The following ANO3 variants were observed in gnomAD, a reference collection of about 807,000 sequenced individuals.
ANO3 encodes anoctamin-3.
A neutral mutation model predicts 144.8 loss-of-function variants in ANO3; 99 were observed. The observed-to-expected ratio is 0.68, with a 90% CI of 0.58 to 0.81. The LOEUF is 0.81. Ranked by LOEUF, ANO3 falls within the 30% of genes least tolerant of loss-of-function variation. The probability of loss-of-function intolerance (pLI) is 0.00; values close to 1 mark genes in which losing one functional copy is unlikely to be tolerated. For missense variants in ANO3, 905 were observed against 1,202.2 expected (o/e 0.75, Z 3.66); for synonymous variants, 414 against 392.6 (o/e 1.05, Z -0.64).
At chr11:26,307,255 G>T (rs111466353), upstream of ANO3, among the ~76,000 whole-genome samples, 289 of 152,282 alleles carry the variant, frequency 1.9e-3, 2 homozygotes, top group African/African-American at 6.6e-3. Context: ...TTGGGAAGAT[G>T]AGGCAGGAGA....
chr11:26,608,478 G>A (rs1211624042), intron 17 of ANO3, among the ~76,000 whole-genome samples: 1 of 152,174 alleles, frequency 6.6e-6, no homozygotes, highest in Non-Finnish European at 1.5e-5. Flanking sequence ...GGTGGAGGGG[G>A]TGTGCTTTGC....
rs931444858 is a variant in ANO3 at position 26,192,841 on chromosome 11, T to C, written c.154+3511T>C. On this transcript the variant is annotated intron_variant, in intron 1 of 27. Coordinates refer to the ANO3 transcript ENST00000672621. ...AAAATTAAGTTTAGAAATAGTCCAG[T>C]GAGGGAAATTGCCTCTTTGTGTTCC... is the stretch of plus-strand genomic sequence containing the variant. Among the ~76,000 whole-genome samples the C allele has an allele frequency of 5.9e-5, 9 of 152,292 alleles. No individual in the cohort carries two copies. In the East Asian group the frequency reaches 1.7e-3, roughly 29 times the overall value.
At chr11:26,387,902 A>C (rs987903757) in intron 1 of ANO3, among the ~76,000 whole-genome samples, 4 of 152,116 alleles carry the variant, frequency 2.6e-5, no homozygotes, top group Non-Finnish European at 5.9e-5. Context: ...TTACAATTTC[A>C]GCTCCTTACT....
At chr11:26,464,776 C>T (rs1157537415) in intron 4 of ANO3, among the ~76,000 whole-genome samples, 2 of 151,840 alleles carry the variant, frequency 1.3e-5, no homozygotes. Flanking sequence ...TACCCTTCTC[C>T]TATTATACTT....
At chr11:26,368,866 A>G (rs143792625) in intron 1 of ANO3, among the ~76,000 whole-genome samples, 20 of 152,190 alleles carry the variant, frequency 1.3e-4, no homozygotes, top group Admixed American at 1.2e-3. Context: ...TTTCCATGAA[A>G]CAACCTATTT....
rs1301601397 is a variant in ANO3, at chr11:26,641,913, G to A, written c.2159G>A (p.Trp720Ter). 2 of 1,613,866 alleles carry A rather than the reference G, an allele frequency of 1.2e-6. No homozygotes were observed. Among genetic ancestry groups the A allele is most frequent in the Non-Finnish European group, 1.7e-6 (2 of 1,179,926 alleles). ...TGATGTAGGTTGATCCAGAACTGGT[G>A]GTCACGACATAAAATCAAGCGGGGA... ...ELGYPLIQNW[W>*]SRHKIKRGIH... is the part of the protein sequence containing the mutation. Residue 720 changes from tryptophan to a stop codon, truncating the protein, a stop_gained, in exon 22 of 27, where the codon TGG becomes TAG. Coordinates refer to ENST00000256737, the MANE Select transcript of ANO3 (RefSeq NM_031418.4). LOFTEE classifies it high-confidence loss of function.
intron 18 of ANO3, among the ~76,000 whole-genome samples, chr11:26,627,854 TGC>T (rs1554981583): frequency 0.1 from 14,344 of 139,518 alleles, 917 homozygotes; most frequent in Non-Finnish European, 0.15. Flanking sequence ...TGTGTGTGTG[TGC>T]GCCTGACATT....
chr11:26,581,958 C>T (rs1851146618), intron 14 of ANO3, among the ~76,000 whole-genome samples: 1 of 152,046 alleles, frequency 6.6e-6, no homozygotes, highest in Non-Finnish European at 1.5e-5. Context: ...TTTATTATGG[C>T]CTTCCAGTGG....
At position 26,371,657 on chromosome 11, in the gene ANO3, C is replaced by T. The variant is rs184758002; in HGVS notation, c.46+39336C>T. On this transcript the variant is annotated intron_variant, in intron 1 of 26. Transcript: ENST00000256737. ...GAGCAACTGCCCAAGACTGTGGGAG[C>T]CCACCTCTTGCATTAGCATGATGTG... Among the ~76,000 whole-genome samples the T allele has an allele frequency of 2.8e-4, 42 of 152,348 alleles. No homozygotes were observed. The East Asian group carries it at 5.0e-3, about 18-fold the overall frequency.
At chr11:26,300,526 G>C (rs2133862196) in intron 1 of ANO3, among the ~76,000 whole-genome samples, 1 of 152,266 alleles carries the variant, frequency 6.6e-6, no homozygotes, top group Admixed American at 6.5e-5. Flanking sequence ...TGTAAGAATT[G>C]AAAATTATTT....
chr11:26,511,239 G>A (rs561455076), intron 5 of ANO3, among the ~76,000 whole-genome samples: 1 of 152,222 alleles, frequency 6.6e-6, no homozygotes, highest in South Asian at 2.1e-4. Flanking sequence ...TCCTAACAGT[G>A]AAAAGGTTAA....
chr11:26,359,956 G>T (rs1295228453), intron 1 of ANO3, among the ~76,000 whole-genome samples: 1 of 146,956 alleles, frequency 6.8e-6, no homozygotes, highest in Non-Finnish European at 1.5e-5. Context: ...TATAAATTAT[G>T]TAAATCAACA....
chr11:26,570,671 T>C (rs1175082935), intron 14 of ANO3, among the ~76,000 whole-genome samples: 1 of 152,166 alleles, frequency 6.6e-6, no homozygotes, highest in Non-Finnish European at 1.5e-5. Context: ...TGTTTGATCA[T>C]TTCTTCTCAC....
At chr11:26,511,565 G>A (rs149487243) in intron 5 of ANO3, among the ~76,000 whole-genome samples, 129 of 152,238 alleles carry the variant, frequency 8.5e-4, no homozygotes, top group African/African-American at 3.1e-3. Flanking sequence ...TCTTTAATAG[G>A]ATAACCTTTA....
chr11:26,305,511 C>T (rs1854360030), upstream of ANO3, among the ~76,000 whole-genome samples: 2 of 151,326 alleles, frequency 1.3e-5, no homozygotes, highest in Admixed American at 1.3e-4. Context: ...TTCATAAATC[C>T]TGATAAAAGA....
intron 14 of ANO3, among the ~76,000 whole-genome samples, chr11:26,569,848 G>A (rs917119056): frequency 6.6e-6 from 1 of 152,032 alleles, no homozygotes; most frequent in Non-Finnish European, 1.5e-5. Context: ...GTGCACTGTG[G>A]GGGCAGACAG....
intron 4 of ANO3, among the ~76,000 whole-genome samples, chr11:26,477,819 T>C (rs11029576): frequency 0.25 from 38,051 of 152,082 alleles, 5,084 homozygotes; most frequent in South Asian, 0.39. Context: ...CAATCTTGTC[T>C]TTAAAAATGG....
At chr11:26,596,889 C>T (rs574077992) in intron 14 of ANO3, among the ~76,000 whole-genome samples, 14 of 152,180 alleles carry the variant, frequency 9.2e-5, no homozygotes, top group Non-Finnish European at 1.8e-4. Context: ...AGCCGACCCT[C>T]GGCTTCCCTA....
intron 17 of ANO3, among the ~76,000 whole-genome samples, chr11:26,607,002 G>A (rs1211004601): frequency 1.3e-5 from 2 of 152,064 alleles, no homozygotes; most frequent in Non-Finnish European, 2.9e-5. Flanking sequence ...TGTCTGGAAA[G>A]GATTTTATTT....
Sources: allele counts gnomAD v4.1 joint callset (sites outside exome capture counted in the v4.1 genomes callset), GRCh38; gene constraint gnomAD v4.1.1; transcripts MANE v1.5; gene names NCBI Gene and HGNC (gene_info 2026-07-23, HGNC 2026-07-21).